WDR17: variants seen among roughly 807,000 people sequenced by gnomAD.
The protein encoded by WDR17 is WD repeat domain 17.
A neutral mutation model predicts 161.7 loss-of-function variants in WDR17; 143 were observed. The observed-to-expected ratio is 0.88, with a 90% confidence interval of 0.77 to 1.02. The LOEUF (loss-of-function observed/expected upper bound fraction) is 1.02. Ranked by LOEUF, WDR17 falls within the 50% of genes least tolerant of loss-of-function variation. WDR17 has a pLI of 0.00. For synonymous variants in WDR17, 517 were observed against 515.6 expected (o/e 1.00, Z -0.04); for missense variants, 1,469 against 1,520.9 (o/e 0.97, Z 0.57).
At position 176,082,125 on chromosome 4, in the gene WDR17, T is replaced by G. The variant is rs937335867; in HGVS notation, c.-7+16046T>G. Among the ~76,000 whole-genome samples, 3 of 152,240 alleles carry G rather than the reference T, an allele frequency of 2.0e-5. No individual in the cohort carries two copies. In the East Asian group the frequency reaches 5.8e-4, roughly 29 times the overall value. The stretch of plus-strand genomic sequence containing the variant: ...AACTGGCTTTAGTTCCTGGCCATGA[T>G]TTATACTATTTGCCAAAATGAATGA... On this transcript the variant is annotated intron_variant, in intron 1 of 28. Coordinates refer to ENST00000508596, the MANE Select transcript of WDR17 (RefSeq NM_181265.4).
intron 22 of WDR17, among the ~76,000 whole-genome samples, chr4:176,167,136 T>A (rs2126867166): frequency 6.6e-6 from 1 of 152,326 alleles, no homozygotes; most frequent in East Asian, 1.9e-4. Flanking sequence ...ATTCCTATTC[T>A]ATATTCATTA....
At chr4:176,168,805 T>A (rs1750265945) in intron 23 of WDR17, 22 bp downstream of exon 23, 1 of 1,601,472 alleles carries the variant, frequency 6.2e-7, no homozygotes, top group Admixed American at 1.7e-5. Flanking sequence ...ATGTTAAATA[T>A]TCTGGTTTGG....
At position 176,173,393 on chromosome 4, in the gene WDR17, T is replaced by C. The variant is rs754408776; in HGVS notation, c.3347+24T>C. ...GAGTGAGTATTTTTTCTGCAAAATA[T>C]ATAAGTGAATCTATTTGATAATTTT... On this transcript the variant is annotated intron_variant, in intron 25 of 28. Coordinates refer to ENST00000508596, the MANE Select transcript of WDR17 (RefSeq NM_181265.4). 1.2e-5 allele frequency: 18 copies of C among 1,460,858 alleles called. 1 individual carries two copies. In the South Asian group the frequency reaches 1.9e-4, roughly 16 times the overall value. 90.5% of individuals were successfully genotyped at this position (1,460,858 alleles called of 1,614,324 possible). A position where few individuals can be genotyped will look rare whatever the true frequency, so the allele number is the denominator to read the frequency against.
At chr4:176,076,686 G>T (rs1037968916) in intron 1 of WDR17, among the ~76,000 whole-genome samples, 3 of 151,244 alleles carry the variant, frequency 2.0e-5, no homozygotes, top group African/African-American at 7.3e-5. Context: ...TTATTCTGCT[G>T]TTGTCTTTTG....
chr4:176,084,477 C>A (rs1231482586), intron 1 of WDR17, among the ~76,000 whole-genome samples: 1 of 151,976 alleles, frequency 6.6e-6, no homozygotes, highest in Admixed American at 6.6e-5. Flanking sequence ...TCCATTACAT[C>A]CATCACACCT....
chr4:176,113,970 T>C (rs1415179630), intron 2 of WDR17, among the ~76,000 whole-genome samples: 1 of 152,038 alleles, frequency 6.6e-6, no homozygotes, highest in African/African-American at 2.4e-5. Context: ...AATGCATCAG[T>C]AGATTAATTC....
intron 1 of WDR17, chr4:176,096,445 A>C (rs1736870634): frequency 8.1e-7 from 1 of 1,232,948 alleles, no homozygotes; most frequent in South Asian, 1.4e-5. Flanking sequence ...TGGTTGAAAC[A>C]CATTGTTGTT....
intron 1 of WDR17, among the ~76,000 whole-genome samples, chr4:176,104,078 A>G (rs1738286765): frequency 6.6e-6 from 1 of 152,178 alleles, no homozygotes. Context: ...TTCTGATATG[A>G]AACTTTAGAG....
At chr4:176,077,727 C>T (rs1734233472) in intron 1 of WDR17, among the ~76,000 whole-genome samples, 1 of 150,938 alleles carries the variant, frequency 6.6e-6, no homozygotes, top group Admixed American at 6.6e-5. Flanking sequence ...TCATAACTAG[C>T]TTCAGTGTTA....
chr4:176,100,124 A>C (rs1217661103), intron 1 of WDR17, among the ~76,000 whole-genome samples: 1 of 152,112 alleles, frequency 6.6e-6, no homozygotes, highest in Non-Finnish European at 1.5e-5. Flanking sequence ...TGGATCATAT[A>C]ATAGCTCTAA....
chr4:176,124,802 A>G (rs10009701), intron 4 of WDR17, among the ~76,000 whole-genome samples: 100,376 of 152,068 alleles, frequency 0.66, 33,430 homozygotes, highest in South Asian at 0.71. Flanking sequence ...ATTTGTAATT[A>G]TTGACAAGAT....
intron 1 of WDR17, among the ~76,000 whole-genome samples, chr4:176,076,144 G>T (rs1284675694): frequency 6.7e-6 from 1 of 149,010 alleles, no homozygotes; most frequent in Non-Finnish European, 1.5e-5. Flanking sequence ...AGAGTGTAAA[G>T]AAATAAATTA....
rs1402323897 is a variant in WDR17 at position 176,180,586 on chromosome 4, G to T, written c.*1007G>T. ...TAGCCAGGCATGGTGGCGGGCACCT[G>T]TAATCCCAGTTACTTGGGAAGCTGA... On this transcript the variant is annotated 3_prime_UTR_variant, in exon 29 of 29. Transcript: ENST00000508596. 2 of 152,194 alleles carry T rather than the reference G, an allele frequency of 1.3e-5. No homozygotes were observed. Among genetic ancestry groups the T allele is most frequent in the African/African-American group, 4.8e-5 (2 of 41,428 alleles). The allele number at this position is 152,194 out of a possible 1,614,324, so 9.4% of individuals were successfully genotyped here. A position where few individuals can be genotyped will look rare whatever the true frequency, so the allele number is the denominator to read the frequency against.
intron 1 of WDR17, among the ~76,000 whole-genome samples, chr4:176,095,511 T>C (rs1242979251): frequency 6.6e-6 from 1 of 152,174 alleles, no homozygotes; most frequent in Non-Finnish European, 1.5e-5. Flanking sequence ...TTCATACTTG[T>C]GTATCTTCCT....
Position 176,135,134 on chromosome 4 carries a change from C to CAAATT in WDR17, c.1126_1130dup (p.Phe377LeufsTer11), listed in dbSNP as rs1330584748. The CAAATT allele has an allele frequency of 6.2e-7, 1 of 1,612,054 alleles. No individual in the cohort carries two copies. The highest frequency in any genetic ancestry group is 1.1e-5 in the South Asian group (1 of 91,006). On this transcript the variant is annotated frameshift_variant, in exon 8 of 29. Coordinates refer to ENST00000508596, the MANE Select transcript of WDR17 (RefSeq NM_181265.4). LOFTEE classifies it high-confidence loss of function. ...GACATGTGGAAACTATCTTTGACTGCAAATTCAAACCTGACGATCCTAATC... is the reference window on the plus strand; with the variant it reads ...GACATGTGGAAACTATCTTTGACTGCAAATTAAATTCAAACCTGACGATCCTAATC...
chr4:176,078,576 T>C (rs1734348511), intron 1 of WDR17, among the ~76,000 whole-genome samples: 1 of 152,106 alleles, frequency 6.6e-6, no homozygotes, highest in African/African-American at 2.4e-5. Flanking sequence ...TCAGGCATAT[T>C]GAACCTACAA....
chr4:176,167,672 A>AAAAAAAAAAACCAAAAAT (rs1750071914), intron 22 of WDR17, among the ~76,000 whole-genome samples: 1 of 150,720 alleles, frequency 6.6e-6, no homozygotes, highest in African/African-American at 2.4e-5. Context: ...AAAAAAAAAA[A>AAAAAAAAAAACCAAAAAT]CAATATCTTG....
rs771933333 is a variant in WDR17 at position 176,096,619 on chromosome 4, G to A, written c.-6-14956G>A. 2.6e-6 allele frequency: 4 copies of A among 1,531,466 alleles called. No individual in the cohort carries two copies. In the Admixed American group the frequency reaches 7.7e-5, roughly 30 times the overall value. The allele number at this position is 1,531,466 out of a possible 1,614,324, so 94.9% of individuals were successfully genotyped here. ...CATTTACTTGTAATTACGATTTCCT[G>A]CGATTTTTTTTCTGCTTTGCTTCTC... On this transcript the variant is annotated intron_variant, in intron 1 of 28. Coordinates refer to ENST00000508596, the MANE Select transcript of WDR17 (RefSeq NM_181265.4).
chr4:176,112,202 C>G (rs531367123), intron 2 of WDR17, among the ~76,000 whole-genome samples: 9 of 152,254 alleles, frequency 5.9e-5, no homozygotes, highest in African/African-American at 2.2e-4. Flanking sequence ...AACCATGCAT[C>G]TAAACCAGAA....
Sources: allele counts gnomAD v4.1 joint callset (sites outside exome capture counted in the v4.1 genomes callset), GRCh38; gene constraint gnomAD v4.1.1; transcripts MANE v1.5; gene names NCBI Gene and HGNC (gene_info 2026-07-23, HGNC 2026-07-21).